The following ADGRG4 variants were observed in gnomAD, a reference collection of about 807,000 sequenced individuals.
ADGRG4 encodes the protein adhesion G protein-coupled receptor G4, also known as G protein-coupled receptor 112.
Under a neutral mutation model 126.2 loss-of-function variants are expected in ADGRG4, and 122 were observed. That is an observed-to-expected ratio of 0.97 (90% CI 0.83 to 1.12). The LOEUF (loss-of-function observed/expected upper bound fraction) is 1.12, where lower values mean the gene tolerates loss of function less well. ADGRG4 is among the 50% of genes most tolerant of loss of function. The probability of loss-of-function intolerance (pLI) is 0.00; values close to 1 mark genes in which losing one functional copy is unlikely to be tolerated. For missense variants in ADGRG4, 2,481 were observed against 2,251.8 expected, an observed-to-expected ratio of 1.10 and a Z score of -2.06; for synonymous variants, 943 against 838.7, an observed-to-expected ratio of 1.12 and a Z score of -2.15.
In ADGRG4 at chrX:136,377,167, C is replaced by CTTTT. The variant is rs1184343263; in HGVS notation, c.7776+4124_7776+4127dup. Among the ~76,000 whole-genome samples, 290 of 48,620 alleles carry CTTTT rather than the reference C, an allele frequency of 6.0e-3. 7 individuals carry two copies. Among genetic ancestry groups the CTTTT allele is most frequent in the African/African-American group, 0.021 (205 of 9,769 alleles). The allele number at this position is 48,620 out of a possible 115,157, so 42.2% of individuals were successfully genotyped here. A position where few individuals can be genotyped will look rare whatever the true frequency, so the allele number is the denominator to read the frequency against. On this transcript the variant is annotated intron_variant, in intron 15 of 25. Transcript: ENST00000394143. ...GTTTTTCACTTTCTTGTTTTCTTTC[C>CTTTT]TTTTTTTTTTTTTTTTTTTTTTTTG...
chrX:136,410,481 C>T (rs1278249468), intron 23 of ADGRG4, among the ~76,000 whole-genome samples: 1 of 111,774 alleles, frequency 8.9e-6, no homozygotes, highest in East Asian at 2.8e-4. Flanking sequence ...GGGACATTTA[C>T]AATAGACTGG....
intron 15 of ADGRG4, among the ~76,000 whole-genome samples, chrX:136,380,568 CTCT>C (rs1330917485): frequency 4.9e-5 from 4 of 81,234 alleles, no homozygotes; most frequent in East Asian, 3.5e-4. Context: ...CTTCTTCTTC[CTCT>C]TCTTCTTCCT....
At chrX:136,308,970 G>A in intron 4 of ADGRG4, 123 bp downstream of exon 4, 1 of 455,371 alleles carries the variant, frequency 2.2e-6, no homozygotes, top group Non-Finnish European at 3.8e-6. Context: ...GTCACCTTTT[G>A]GTCAATATGG....
rs761347585 is a variant in ADGRG4, at chrX:136,348,717, T to C, written c.5011T>C (p.Phe1671Leu). 24 of 1,207,454 alleles carry C rather than the reference T, an allele frequency of 2.0e-5. 1 individual carries two copies. Among genetic ancestry groups the C allele is most frequent in the Non-Finnish European group, 1.1e-6 (1 of 894,393 alleles). The change falls in exon 6 of 26, where the codon TTT becomes CTT. Residue 1671 changes from phenylalanine to leucine, a missense_variant. Coordinates refer to ENST00000394143, the MANE Select transcript of ADGRG4 (RefSeq NM_153834.4). ...TTIMAGIVTPFVGTTAFSPLS... is the reference protein window; with the variant it reads ...TTIMAGIVTPLVGTTAFSPLS... ...CATTATGGCTGGGATAGTGACTCCA[T>C]TTGTAGGCACCACTGCCTTCTCTCC...
intron 15 of ADGRG4, among the ~76,000 whole-genome samples, chrX:136,382,624 C>T (rs192849877): frequency 9.0e-6 from 1 of 111,728 alleles, no homozygotes; most frequent in Non-Finnish European, 1.9e-5. Flanking sequence ...TGTAGTTTCC[C>T]ATTGACCTTA....
At chrX:136,319,862 A>G (rs1389631482) in intron 4 of ADGRG4, among the ~76,000 whole-genome samples, 2 of 111,245 alleles carry the variant, frequency 1.8e-5, no homozygotes, top group African/African-American at 3.3e-5. Context: ...TTCTGATTAT[A>G]GGTGTAATAC....
chrX:136,383,033 G>GA (rs199561502), intron 15 of ADGRG4, among the ~76,000 whole-genome samples: 2,929 of 110,390 alleles, frequency 0.027, 104 homozygotes, highest in African/African-American at 0.092. Flanking sequence ...CTGGCTATGG[G>GA]AAAAAAAGTA....
At position 136,349,502 on chromosome X, in the gene ADGRG4, A is replaced by AGATGTCATGGC. The variant is rs750445544; in HGVS notation, c.5797_5807dup (p.Ser1939TrpfsTer27). 7.5e-6 allele frequency: 9 copies of AGATGTCATGGC among 1,203,801 alleles called. No homozygotes were observed. The highest frequency in any genetic ancestry group is 9.0e-6 in the Non-Finnish European group (8 of 888,265). The stretch of plus-strand genomic sequence containing the variant: ...CCTCTCAGACTGGTCTAGTATCTAA[A>AGATGTCATGGC]GATGTCATGGCAATGTCATCAATTC... On this transcript the variant is annotated frameshift_variant, in exon 6 of 26. Transcript: ENST00000394143. LOFTEE classifies it high-confidence loss of function.
chrX:136,302,363 C>T (rs2074706587), intron 1 of ADGRG4, among the ~76,000 whole-genome samples: 1 of 111,923 alleles, frequency 8.9e-6, no homozygotes, highest in Non-Finnish European at 1.9e-5. Flanking sequence ...TGGGAGTTCA[C>T]TCATAATTTG....
At chrX:136,359,100 G>A (rs763529037) in intron 10 of ADGRG4, among the ~76,000 whole-genome samples, 192 bp from the exon 11 acceptor site, 3 of 112,559 alleles carry the variant, frequency 2.7e-5, no homozygotes, top group Non-Finnish European at 5.6e-5. Flanking sequence ...TTTTGGATAA[G>A]AGAAAATTTA....
chrX:136,361,113 A>G (rs1262109650), intron 11 of ADGRG4, among the ~76,000 whole-genome samples: 2 of 110,774 alleles, frequency 1.8e-5, no homozygotes, highest in Non-Finnish European at 3.8e-5. Flanking sequence ...GTTTGAGACC[A>G]GCCTCTATAA....
chrX:136,337,099 G>A (rs1239947940), intron 5 of ADGRG4, among the ~76,000 whole-genome samples: 1 of 110,773 alleles, frequency 9.0e-6, no homozygotes, highest in Non-Finnish European at 1.9e-5. Context: ...CAAGTAGCTG[G>A]GACTATAGGT....
At chrX:136,305,499 CT>C (rs1323702909) in intron 3 of ADGRG4, among the ~76,000 whole-genome samples, 2 of 112,279 alleles carry the variant, frequency 1.8e-5, no homozygotes, top group African/African-American at 3.2e-5. Flanking sequence ...TCTGTCACCC[CT>C]AAGGGGCTGT....
chrX:136,348,395 C>T lies in ADGRG4; in HGVS notation c.4689C>T (p.Ser1563=). The part of the protein sequence containing the change: ...TATSGPMSEM[S]SIPVNNSAFT... Reference sequence around the variant, plus strand: ...CTTCTGGGCCTATGTCTGAGATGTCCTCAATACCAGTTAATAACTCTGCTT... The same window carrying T: ...CTTCTGGGCCTATGTCTGAGATGTCTTCAATACCAGTTAATAACTCTGCTT... The change falls in exon 6 of 26, where the codon TCC becomes TCT. Residue 1563 remains serine (S), a synonymous_variant. Coordinates refer to ENST00000394143, the MANE Select transcript of ADGRG4 (RefSeq NM_153834.4). 5.0e-6 allele frequency: 6 copies of T among 1,209,433 alleles called. No individual in the cohort carries two copies. The highest frequency in any genetic ancestry group is 6.7e-6 in the Non-Finnish European group (6 of 893,603).
At position 136,344,420 on chromosome X, in the gene ADGRG4, A is replaced by G; in HGVS notation, c.714A>G (p.Glu238=). 1 of 1,163,477 alleles carries G rather than the reference A, an allele frequency of 8.6e-7. No homozygotes were observed. Among genetic ancestry groups the G allele is most frequent in the Non-Finnish European group, 1.1e-6 (1 of 870,325 alleles). The change falls in exon 6 of 26, where the codon GAA becomes GAG. Residue 238 remains glutamate (E), a synonymous_variant. Transcript: ENST00000394143. ...TTCCTGAAAATATGACAATTCAAGA[A>G]AAAAGTACAACTGTTTCACAACAGA... ...CFVPENMTIQ[E]KSTTVSQQID...
At chrX:136,301,397 G>A (rs2074698659) in intron 1 of ADGRG4, among the ~76,000 whole-genome samples, 2 of 112,459 alleles carry the variant, frequency 1.8e-5, no homozygotes, top group African/African-American at 6.5e-5. Flanking sequence ...TTTGAGAAGT[G>A]TCTGTTCATG....
Position 136,335,497 on chromosome X carries a change from G to A in ADGRG4, c.686-8895G>A, listed in dbSNP as rs147809233. Among the ~76,000 whole-genome samples the A allele has an allele frequency of 9.4e-3, 1,046 of 110,816 alleles. 11 individuals carry two copies. Among genetic ancestry groups the A allele is most frequent in the African/African-American group, 0.032 (977 of 30,570 alleles). On this transcript the variant is annotated intron_variant, in intron 5 of 25. Coordinates refer to ENST00000394143, the MANE Select transcript of ADGRG4 (RefSeq NM_153834.4). The stretch of plus-strand genomic sequence containing the variant: ...ACTCCAGTGAAATCATGTGGGCCTG[G>A]AGATTATTTTGTGAAGGCTTTTAAA...
chrX:136,384,488 C>T (rs2075283151), intron 15 of ADGRG4, among the ~76,000 whole-genome samples: 1 of 111,167 alleles, frequency 9.0e-6, no homozygotes, highest in African/African-American at 3.3e-5. Flanking sequence ...TTACATTTAC[C>T]TAGATATGTA....
chrX:136,353,316 ATT>A lies in ADGRG4; in HGVS notation c.6823-13_6823-12del, dbSNP rs5903915. The A allele has an allele frequency of 2.7e-6, 3 of 1,109,479 alleles. No individual in the cohort carries two copies. The highest frequency in any genetic ancestry group is 1.8e-5 in the African/African-American group (1 of 54,176). The allele number at this position is 1,109,479 out of a possible 1,213,427, so 91.4% of individuals were successfully genotyped here. On this transcript the variant is annotated intron_variant, in intron 7 of 25. Coordinates refer to ENST00000394143, the MANE Select transcript of ADGRG4 (RefSeq NM_153834.4). The stretch of plus-strand genomic sequence containing the variant: ...CTAGAGGAGCAGAATACTAAAACTG[ATT>A]TTTTTTTGTCTTGTACAGTTGAATT...
Sources: gnomAD v4.1 joint callset for allele counts (sites outside exome capture counted in the v4.1 genomes callset) on GRCh38, gnomAD v4.1.1 for gene constraint, MANE v1.5 for transcripts, NCBI Gene and HGNC (gene_info 2026-07-23, HGNC 2026-07-21) for gene names.